Variants in COL4A5 observed in about 807,000 individuals in gnomAD.
COL4A5 encodes the protein collagen alpha-5(IV) chain.
In COL4A5, 26 loss-of-function variants were observed where a neutral mutation model predicts 130.2. The ratio of observed to expected loss-of-function variants is 0.20; its 90% CI spans 0.15 to 0.28. The LOEUF (loss-of-function observed/expected upper bound fraction) is 0.28, where lower values mean the gene tolerates loss of function less well. Ranked by LOEUF, COL4A5 falls within the 10% of genes least tolerant of loss-of-function variation. COL4A5 has a pLI of 1.00. For missense variants in COL4A5, 1,131 were observed against 1,344.3 expected (o/e 0.84, Z 2.48); for synonymous variants, 496 against 439.6 (o/e 1.13, Z -1.60).
chrX:108,572,504 T>G lies in COL4A5; in HGVS notation c.465+667T>G, dbSNP rs142446872. 2.4e-3 allele frequency among the ~76,000 whole-genome samples: 261 copies of G among 111,021 alleles called. 6 individuals are homozygous for G. The East Asian group carries it at 0.061, about 26-fold the overall frequency. On this transcript the variant is annotated intron_variant, in intron 8 of 52. Transcript: ENST00000328300. ...TTTACACGATCTCAAAACCTGGGAG[T>G]TAATATTTATATCTTCCATTCCTTC...
intron 36 of COL4A5, 137 bp downstream of exon 36, chrX:108,626,486 C>A (rs1289504408): frequency 4.3e-6 from 5 of 1,162,350 alleles, no homozygotes; most frequent in African/African-American, 3.6e-5. Context: ...TATTCCTTTT[C>A]TTTTCTCTTA....
intron 1 of COL4A5, among the ~76,000 whole-genome samples, chrX:108,465,989 A>G (rs1490635263): frequency 9.0e-6 from 1 of 111,667 alleles, no homozygotes; most frequent in Non-Finnish European, 1.9e-5. Context: ...TATTCTGGAT[A>G]TTTCATATAA....
At position 108,694,840 on chromosome X, in the gene COL4A5, C is replaced by T. The variant is rs1036002833; in HGVS notation, c.4740C>T (p.Ile1580=). 10 of 1,207,594 alleles carry T rather than the reference C, an allele frequency of 8.3e-6. 1 individual carries two copies. The highest frequency in any genetic ancestry group is 1.8e-5 in the African/African-American group (1 of 56,956). The change falls in exon 51 of 53, where the codon ATC becomes ATT. Residue 1580 remains isoleucine, a synonymous_variant. Coordinates refer to ENST00000328300, the MANE Select transcript of COL4A5 (RefSeq NM_033380.3). ...TATGTGAAGCTCCAGCTGTGGTGAT[C>T]GCAGTTCACAGTCAGACGATCCAGA... ...CAVCEAPAVV[I]AVHSQTIQIP...
At chrX:108,567,317 C>A (rs1836507357) in intron 4 of COL4A5, among the ~76,000 whole-genome samples, 1 of 111,852 alleles carries the variant, frequency 8.9e-6, no homozygotes, top group African/African-American at 3.2e-5. Flanking sequence ...ATTTATTTTT[C>A]ATTTTTAATG....
At chrX:108,510,768 T>A (rs2065172830) in intron 1 of COL4A5, among the ~76,000 whole-genome samples, 1 of 111,815 alleles carries the variant, frequency 8.9e-6, no homozygotes, top group Non-Finnish European at 1.9e-5. Flanking sequence ...GAAACATTCA[T>A]GTGTTTTTGG....
intron 36 of COL4A5, among the ~76,000 whole-genome samples, chrX:108,641,709 G>T (rs915744278): frequency 2.7e-5 from 3 of 111,778 alleles, no homozygotes; most frequent in Admixed American, 9.5e-5. Flanking sequence ...GAAATACAGG[G>T]GTAGAGGAAG....
intron 19 of COL4A5, among the ~76,000 whole-genome samples, chrX:108,588,341 G>A (rs774365013): frequency 1.2e-4 from 13 of 111,248 alleles, no homozygotes; most frequent in Non-Finnish European, 2.3e-4. Flanking sequence ...AATAAATATA[G>A]GTTCCATTAT....
intron 1 of COL4A5, among the ~76,000 whole-genome samples, chrX:108,458,692 C>A (rs911198260): frequency 1.8e-5 from 2 of 111,738 alleles, no homozygotes; most frequent in African/African-American, 6.5e-5. Context: ...TTATTAAGAT[C>A]ATCTTTGGCC....
At chrX:108,646,080 C>CG (rs1362997757) in intron 36 of COL4A5, among the ~76,000 whole-genome samples, 2 of 251 alleles carry the variant, frequency 8.0e-3, no homozygotes, top group East Asian at 0.33. Flanking sequence ...ATTTATAATC[C>CG]TTTGGTATAT....
At chrX:108,625,389 A>G (rs1199778804) in intron 34 of COL4A5, among the ~76,000 whole-genome samples, 2 of 112,580 alleles carry the variant, frequency 1.8e-5, no homozygotes, top group Non-Finnish European at 3.8e-5. Context: ...GTGAAAATAC[A>G]TTAAGGGTAG....
intron 44 of COL4A5, among the ~76,000 whole-genome samples, chrX:108,678,209 G>A (rs929819143): frequency 6.3e-5 from 7 of 111,651 alleles, no homozygotes; most frequent in Admixed American, 4.8e-4. Flanking sequence ...GCCTCCATTC[G>A]GTCAAGATGA....
At chrX:108,452,727 T>C (rs34733350) in intron 1 of COL4A5, among the ~76,000 whole-genome samples, 1 of 112,041 alleles carries the variant, frequency 8.9e-6, no homozygotes, top group Admixed American at 9.5e-5. Context: ...GATTTTGGGC[T>C]GAGATGATGG....
intron 16 of COL4A5, among the ~76,000 whole-genome samples, chrX:108,581,414 A>G (rs1489786208): frequency 8.9e-6 from 1 of 111,887 alleles, no homozygotes; most frequent in Non-Finnish European, 1.9e-5. Flanking sequence ...TAATTTACAT[A>G]AAGTAAAAGG....
At chrX:108,498,587 T>C (rs2065053128) in intron 1 of COL4A5, among the ~76,000 whole-genome samples, 2 of 111,496 alleles carry the variant, frequency 1.8e-5, no homozygotes, top group Non-Finnish European at 3.8e-5. Context: ...TTTGGGAAGA[T>C]TGTTAACTGA....
intron 19 of COL4A5, among the ~76,000 whole-genome samples, chrX:108,589,039 TA>T (rs1353602727): frequency 9.0e-6 from 1 of 111,422 alleles, no homozygotes; most frequent in Admixed American, 9.6e-5. Flanking sequence ...GCTTAGAAAA[TA>T]TATTAGTAAA....
chrX:108,553,207 C>T (rs1056062018), intron 2 of COL4A5, among the ~76,000 whole-genome samples: 8 of 111,554 alleles, frequency 7.2e-5, no homozygotes, highest in African/African-American at 1.6e-4. Context: ...ATCAAAAACA[C>T]GATCCACCAA....
At chrX:108,606,953 G>A (rs1230858243) in intron 29 of COL4A5, 61 bp downstream of exon 29, 1 of 1,143,895 alleles carries the variant, frequency 8.7e-7, no homozygotes, top group African/African-American at 1.8e-5. Context: ...TGACACCTTT[G>A]GGAAAGTTTA....
Position 108,539,688 on chromosome X carries a change from A to G in COL4A5, c.82-58A>G, listed in dbSNP as rs2065507476. 1.2e-5 allele frequency: 11 copies of G among 953,902 alleles called. No homozygotes were observed. The Admixed American group carries it at 2.2e-4, about 19-fold the overall frequency. The allele number at this position is 953,902 out of a possible 1,213,427, so 78.6% of individuals were successfully genotyped here. A position where few individuals can be genotyped will look rare whatever the true frequency, so the allele number is the denominator to read the frequency against. ...GTTGATTTCAGTTGAGCTGTAAGTC[A>G]GAGTCTGATTTTTGGGTTCATATTT... On this transcript the variant is annotated intron_variant, in intron 1 of 52. Transcript: ENST00000328300.
intron 36 of COL4A5, among the ~76,000 whole-genome samples, chrX:108,643,552 C>A (rs780662712): frequency 1.8e-5 from 2 of 111,654 alleles, no homozygotes; most frequent in Non-Finnish European, 3.8e-5. Context: ...GGGATTGGGG[C>A]CCTATCTTCA....
Sources: allele counts gnomAD v4.1 joint callset (sites outside exome capture counted in the v4.1 genomes callset), GRCh38; gene constraint gnomAD v4.1.1; transcripts MANE v1.5; gene names NCBI Gene and HGNC (gene_info 2026-07-23, HGNC 2026-07-21).